Variants in PDE3A observed in about 807,000 individuals in gnomAD.
PDE3A encodes the protein cGMP-inhibited 3',5'-cyclic phosphodiesterase 3A.
PDE3A carries 43 observed loss-of-function variants against 98.3 expected under a neutral mutation model. That is an observed-to-expected ratio of 0.44 (90% CI 0.34 to 0.56). The LOEUF is 0.56. Among genes scored for constraint, PDE3A ranks in the 20% least tolerant of loss-of-function variants. The pLI, the probability that PDE3A is intolerant of heterozygous loss-of-function variation, is 0.01. For synonymous variants in PDE3A, 663 were observed against 567.9 expected, an observed-to-expected ratio of 1.17 and a Z score of -2.38; for missense variants, 1,427 against 1,440.7, an observed-to-expected ratio of 0.99 and a Z score of 0.15.
At chr12:20,666,534 T>A (rs1945317407) in intron 15 of PDE3A, among the ~76,000 whole-genome samples, 1 of 92,396 alleles carries the variant, frequency 1.1e-5, no homozygotes, top group Admixed American at 9.5e-5. Flanking sequence ...ATGAGATATT[T>A]GTCTTTATTG....
Position 20,686,397 on chromosome 12 carries a change from A to C in PDE3A, c.*6126A>C, listed in dbSNP as rs1368082156. ...AGGCCAAATACTTATCTTTCCTACT[A>C]AGAAAAATTAAACCTTACTAATCTT... On this transcript the variant is annotated 3_prime_UTR_variant, in exon 16 of 16. Transcript: ENST00000359062. Among the ~76,000 whole-genome samples the C allele has an allele frequency of 6.6e-6, 1 of 152,168 alleles. No individual in the cohort carries two copies. The highest frequency in any genetic ancestry group is 1.5e-5 in the Non-Finnish European group (1 of 68,010).
In PDE3A at chr12:20,414,068, G is replaced by T. The variant is rs76705292; in HGVS notation, c.960+43824G>T. ...GTGATTCCTGAGATGAGAAAAACTGGCCAAAGAACAGATTCTGGAGAGACG... is the reference window on the plus strand; with the variant it reads ...GTGATTCCTGAGATGAGAAAAACTGTCCAAAGAACAGATTCTGGAGAGACG... On this transcript the variant is annotated intron_variant, in intron 1 of 15. Transcript: ENST00000359062. Among the ~76,000 whole-genome samples the T allele has an allele frequency of 8.5e-3, 1,300 of 152,218 alleles. 17 individuals are homozygous for T. Among genetic ancestry groups the T allele is most frequent in the African/African-American group, 0.029 (1,218 of 41,522 alleles).
Position 20,370,206 on chromosome 12 carries a change from C to T in PDE3A, c.922C>T (p.His308Tyr), listed in dbSNP as rs866240693. 3.7e-6 allele frequency: 6 copies of T among 1,603,896 alleles called. No individual in the cohort carries two copies. Among genetic ancestry groups the T allele is most frequent in the Admixed American group, 1.7e-5 (1 of 58,908 alleles). Residue 308 changes from histidine to tyrosine, a missense_variant, in exon 1 of 16, where the codon CAT (histidine) becomes TAT (tyrosine). His to Tyr is a moderately conservative substitution (Grantham distance 83). Transcript: ENST00000359062. ...GATGTCCGGCTGCAGCAGCAAGTCC[C>T]ATCGGAGGACCTCCCTGCCCTGTAT... ...AEMSGCSSKS[H>Y]RRTSLPCIPR...
intron 1 of PDE3A, among the ~76,000 whole-genome samples, chr12:20,540,730 A>G (rs1941874688): frequency 6.6e-6 from 1 of 152,092 alleles, no homozygotes; most frequent in African/African-American, 2.4e-5. Flanking sequence ...CTCCACAAGT[A>G]ATAGGAAACT....
intron 1 of PDE3A, among the ~76,000 whole-genome samples, chr12:20,491,587 C>T (rs934149195): frequency 2.0e-5 from 3 of 152,082 alleles, no homozygotes; most frequent in Non-Finnish European, 2.9e-5. Flanking sequence ...GACTTTTGAC[C>T]TCAGGTGTCC....
At chr12:20,678,934 C>T (rs561047987) in intron 15 of PDE3A, among the ~76,000 whole-genome samples, 17 of 151,552 alleles carry the variant, frequency 1.1e-4, no homozygotes, top group East Asian at 3.9e-4. Flanking sequence ...TGATTTTGGA[C>T]GCACAGTTAC....
At chr12:20,443,411 C>T (rs942676425) in intron 1 of PDE3A, among the ~76,000 whole-genome samples, 1 of 152,102 alleles carries the variant, frequency 6.6e-6, no homozygotes, top group African/African-American at 2.4e-5. Context: ...ACAATTAATG[C>T]TGACATAAGC....
chr12:20,658,956 C>T (rs1016371835), intron 15 of PDE3A, among the ~76,000 whole-genome samples: 1 of 152,026 alleles, frequency 6.6e-6, no homozygotes, highest in African/African-American at 2.4e-5. Context: ...AAATGGCAAG[C>T]CCATCTTGGT....
At chr12:20,506,767 G>T (rs1041329825) in intron 1 of PDE3A, among the ~76,000 whole-genome samples, 15 of 151,902 alleles carry the variant, frequency 9.9e-5, no homozygotes, top group African/African-American at 3.4e-4. Flanking sequence ...GTAAGAGAGA[G>T]AATTCTATTT....
intron 1 of PDE3A, among the ~76,000 whole-genome samples, chr12:20,417,839 G>A (rs1229607273): frequency 6.6e-6 from 1 of 152,124 alleles, no homozygotes; most frequent in Non-Finnish European, 1.5e-5. Context: ...TTTGTTATAC[G>A]TATTAAATGA....
rs79761149 is a variant in PDE3A, at chr12:20,496,579, C to A, written c.961-60081C>A. Among the ~76,000 whole-genome samples, 435 of 151,038 alleles carry A rather than the reference C, an allele frequency of 2.9e-3. 1 individual carries two copies. Among genetic ancestry groups the A allele is most frequent in the African/African-American group, 0.01 (416 of 41,308 alleles). ...TCTCTGCTACCTCATGGGCCAAATT[C>A]TTTTGGGATCCATACTAAGAATTTA... On this transcript the variant is annotated intron_variant, in intron 1 of 15. Transcript: ENST00000359062.
At chr12:20,601,920 T>C (rs950440666) in intron 2 of PDE3A, among the ~76,000 whole-genome samples, 1 of 152,194 alleles carries the variant, frequency 6.6e-6, no homozygotes, top group Non-Finnish European at 1.5e-5. Flanking sequence ...AACAGAAGCC[T>C]TAAGTTCAAA....
Position 20,630,093 on chromosome 12 carries a change from C to G in PDE3A, c.1726C>G (p.Pro576Ala). ...TYTQSAPDLS[P>A]QILTPPVICS... ...CACTCAGAGTGCCCCAGACCTATCCCCTCAAATCCTGACTCCACCTGTTAT... is the reference window on the plus strand; with the variant it reads ...CACTCAGAGTGCCCCAGACCTATCCGCTCAAATCCTGACTCCACCTGTTAT... The change falls in exon 6 of 16, where the codon CCT (proline) becomes GCT (alanine). Residue 576 changes from proline to alanine, a missense_variant. Physicochemically the swap from Pro to Ala is conservative, Grantham distance 27. Coordinates refer to ENST00000359062, the MANE Select transcript of PDE3A (RefSeq NM_000921.5). 6.2e-7 allele frequency: 1 copy of G among 1,613,448 alleles called. No homozygotes were observed. Among genetic ancestry groups the G allele is most frequent in the African/African-American group, 1.3e-5 (1 of 74,968 alleles).
intron 1 of PDE3A, among the ~76,000 whole-genome samples, chr12:20,410,331 G>C (rs1217490720): frequency 6.6e-6 from 1 of 152,184 alleles, no homozygotes; most frequent in African/African-American, 2.4e-5. Context: ...TTGGGACCAA[G>C]GGAGAGTTAA....
At chr12:20,486,812 T>G (rs1945734881) in intron 1 of PDE3A, among the ~76,000 whole-genome samples, 1 of 152,152 alleles carries the variant, frequency 6.6e-6, no homozygotes, top group South Asian at 2.1e-4. Context: ...TTTTGTATTT[T>G]TAGTAGAGAT....
At chr12:20,647,290 G>A (rs962567961) in intron 12 of PDE3A, among the ~76,000 whole-genome samples, 1 of 151,972 alleles carries the variant, frequency 6.6e-6, no homozygotes, top group Non-Finnish European at 1.5e-5. Flanking sequence ...AGCATTTCTT[G>A]GACTTTTAAG....
At chr12:20,526,365 C>T (rs1363551544) in intron 1 of PDE3A, among the ~76,000 whole-genome samples, 3 of 152,098 alleles carry the variant, frequency 2.0e-5, no homozygotes, top group Non-Finnish European at 4.4e-5. Flanking sequence ...TGCATTATAT[C>T]ATTTTGAAAA....
intron 2 of PDE3A, among the ~76,000 whole-genome samples, chr12:20,610,490 G>T (rs574061916): frequency 6.6e-6 from 1 of 152,008 alleles, no homozygotes; most frequent in East Asian, 1.9e-4. Context: ...TAGTATAACG[G>T]TTCTTAAGAA....
chr12:20,540,865 A>G (rs1227985332), intron 1 of PDE3A, among the ~76,000 whole-genome samples: 5 of 151,944 alleles, frequency 3.3e-5, no homozygotes, highest in Non-Finnish European at 1.5e-5. Context: ...CAATGGTGAA[A>G]CATGTTTTAC....
Sources: allele counts gnomAD v4.1 joint callset (sites outside exome capture counted in the v4.1 genomes callset), GRCh38; gene constraint gnomAD v4.1.1; transcripts MANE v1.5; gene names NCBI Gene and HGNC (gene_info 2026-07-23, HGNC 2026-07-21).